SBK2: variants seen among roughly 807,000 people sequenced by gnomAD.
SBK2 encodes the protein serine/threonine-protein kinase SBK2.
Under a neutral mutation model 15.9 loss-of-function variants are expected in SBK2, and 18 were observed. The observed-to-expected ratio is 1.13, with a 90% confidence interval of 0.78 to 1.68. The LOEUF is 1.68. SBK2 is among the 40% of genes most tolerant of loss of function. SBK2 has a pLI of 0.00. For synonymous variants in SBK2, 284 were observed against 246.8 expected, an observed-to-expected ratio of 1.15 and a Z score of -1.41; for missense variants, 581 against 510.9, an observed-to-expected ratio of 1.14 and a Z score of -1.32.
rs1459382196 is a variant in SBK2, at chr19:55,529,858, G to C, written c.922C>G (p.Leu308Val). 3 of 1,600,944 alleles carry C rather than the reference G, an allele frequency of 1.9e-6. No homozygotes were observed. In the Admixed American group the frequency reaches 5.0e-5, roughly 27 times the overall value. Residue 308 changes from leucine to valine, a missense_variant, in exon 4 of 4, where the codon CTG becomes GTG. By Grantham distance (32) the Leu-to-Val change is conservative. Transcript: ENST00000413299. ...CTCCTCCTTCGGGGGTGAGGGTCCA[G>C]CAGCCCCCGCAGAAGCGCGTCGGCC... is the stretch of plus-strand genomic sequence containing the variant. ...AAADALLRGL[L>V]DPHPRRRSAV...
Position 55,530,402 on chromosome 19 carries a change from C to T in SBK2, c.457-79G>A, listed in dbSNP as rs138872807. On this transcript the variant is annotated intron_variant, in intron 3 of 3. Transcript: ENST00000413299. ...GACCCAGGAAGCAGGCCCAGGACGC[C>T]AAGGAGGCCGGTAAGGAAGACGGTG... The T allele has an allele frequency of 1.0e-3, 1,280 of 1,283,300 alleles. 15 individuals carry two copies. In the African/African-American group the frequency reaches 0.018, roughly 18 times the overall value. 79.5% of individuals were successfully genotyped at this position (1,283,300 alleles called of 1,614,324 possible). A position where few individuals can be genotyped will look rare whatever the true frequency, so the allele number is the denominator to read the frequency against.
chr19:55,531,681 A>G (rs1988272609), intron 2 of SBK2, among the ~76,000 whole-genome samples: 1 of 152,204 alleles, frequency 6.6e-6, no homozygotes, highest in African/African-American at 2.4e-5. Context: ...CTACCTCTAA[A>G]AAAAGTTTTA....
chr19:55,529,706 T>G lies in SBK2; in HGVS notation c.*27A>C, dbSNP rs7257263. 0.037 allele frequency: 58,423 copies of G among 1,591,666 alleles called. 1,697 individuals are homozygous for G. Among genetic ancestry groups the G allele is most frequent in the African/African-American group, 0.15 (10,924 of 74,394 alleles). On this transcript the variant is annotated 3_prime_UTR_variant, in exon 4 of 4. Transcript: ENST00000413299. ...CTTGGGGGCCTCGGGTGGGGCGGCT[T>G]CCCTTTCTGCATCCCCCGGGGCCTC...
intron 2 of SBK2, among the ~76,000 whole-genome samples, chr19:55,535,197 A>G (rs1460185115): frequency 7.3e-6 from 1 of 137,872 alleles, no homozygotes; most frequent in Non-Finnish European, 1.6e-5. Context: ...CAACCCCCCC[A>G]GCACAGGGCT....
intron 3 of SBK2, 117 bp downstream of exon 3, chr19:55,531,026 A>C: frequency 1.1e-6 from 1 of 887,312 alleles, no homozygotes; most frequent in Non-Finnish European, 1.8e-6. Context: ...TCCGGGGGGT[A>C]GGGGAGGCCC....
intron 2 of SBK2, among the ~76,000 whole-genome samples, chr19:55,531,937 C>T (rs1458309441): frequency 6.6e-6 from 1 of 150,556 alleles, no homozygotes; most frequent in Non-Finnish European, 1.5e-5. Flanking sequence ...CGAGATTGCG[C>T]CACTGCACTC....
chr19:55,530,960 A>G (rs1988241444), intron 3 of SBK2, among the ~76,000 whole-genome samples, 183 bp downstream of exon 3: 1 of 152,026 alleles, frequency 6.6e-6, no homozygotes, highest in Non-Finnish European at 1.5e-5. Flanking sequence ...TGTGATGTCT[A>G]TGAACTCCAA....
intron 3 of SBK2, 48 bp downstream of exon 3, chr19:55,531,095 G>A (rs957406118): frequency 5.8e-6 from 9 of 1,553,732 alleles, no homozygotes; most frequent in Non-Finnish European, 7.9e-6. Flanking sequence ...GGACGTTCCT[G>A]GGAGGCCGGT....
At chr19:55,532,710 C>G (rs1309488744) in intron 2 of SBK2, among the ~76,000 whole-genome samples, 1 of 151,836 alleles carries the variant, frequency 6.6e-6, no homozygotes, top group Non-Finnish European at 1.5e-5. Context: ...AAGCGATTCT[C>G]CTGCCCAAGC....
intron 2 of SBK2, among the ~76,000 whole-genome samples, 157 bp downstream of exon 2, chr19:55,535,881 ACAAC>A (rs1386236135): frequency 6.6e-6 from 1 of 152,154 alleles, no homozygotes; most frequent in African/African-American, 2.4e-5. Flanking sequence ...TGTCTCAAAA[ACAAC>A]CAACCAACCA....
In SBK2 at chr19:55,536,080, C is replaced by T. The variant is rs747987227; in HGVS notation, c.215G>A (p.Cys72Tyr). 9.9e-6 allele frequency: 15 copies of T among 1,509,488 alleles called. No individual in the cohort carries two copies. In the Admixed American group the frequency reaches 1.0e-4, roughly 10 times the overall value. The allele number at this position is 1,509,488 out of a possible 1,614,324, so 93.5% of individuals were successfully genotyped here. A position where few individuals can be genotyped will look rare whatever the true frequency, so the allele number is the denominator to read the frequency against. Reference protein sequence around the residue: ...YEEVRPLGQGCYGRVLLVTHR... With the variant: ...YEEVRPLGQGYYGRVLLVTHR... Reference sequence around the variant, plus strand: ...GGTGACCAGAAGGACGCGGCCATAGCAACCCTGGCCCAGGGGACGCACTTC... The same window carrying T: ...GGTGACCAGAAGGACGCGGCCATAGTAACCCTGGCCCAGGGGACGCACTTC... Residue 72 changes from cysteine to tyrosine, a missense_variant, in exon 2 of 4, where the codon TGC (cysteine) becomes TAC (tyrosine). Transcript: ENST00000413299.
Position 55,536,201 on chromosome 19 carries a change from G to A in SBK2, c.94C>T (p.Leu32Phe). Residue 32 changes from leucine to phenylalanine, a missense_variant, in exon 2 of 4, where the codon CTC becomes TTC. Physicochemically the swap from Leu to Phe is conservative, Grantham distance 22. Coordinates refer to ENST00000413299, the MANE Select transcript of SBK2 (RefSeq NM_001370096.2). ...EGLGGLTLEE[L>F]QQGQEAARAL... ...CGGGCAGCCTCCTGGCCCTGCTGGA[G>A]CTCCTCTAATGTCAGGCCGCCCAGA... The A allele has an allele frequency of 6.2e-7, 1 of 1,607,540 alleles. No individual in the cohort carries two copies. Among genetic ancestry groups the A allele is most frequent in the Non-Finnish European group, 8.5e-7 (1 of 1,177,444 alleles).
chr19:55,531,791 A>G (rs570168035), intron 2 of SBK2, among the ~76,000 whole-genome samples: 94 of 152,310 alleles, frequency 6.2e-4, no homozygotes, highest in Non-Finnish European at 1.1e-3. Context: ...CAGCCTGGTC[A>G]ATATGGTGAA....
Position 55,530,182 on chromosome 19 carries a change from T to C in SBK2, c.598A>G (p.Lys200Glu). The C allele has an allele frequency of 6.5e-7, 1 of 1,531,060 alleles. No homozygotes were observed. The allele number at this position is 1,531,060 out of a possible 1,614,324, so 94.8% of individuals were successfully genotyped here. Residue 200 changes from lysine to glutamate, a missense_variant, in exon 4 of 4, where the codon AAG becomes GAG. Lys to Glu is a moderately conservative substitution (Grantham distance 56, BLOSUM62 1). Transcript: ENST00000413299. The part of the protein sequence containing the change: ...LVCDPACRRF[K>E]LTDFGHTRPR... ...CTCGTGTGGCCGAAGTCGGTCAGCT[T>C]GAAGCGCCGGCAGGCCGGGTCGCAC...
chr19:55,534,249 C>T (rs1988341209), intron 2 of SBK2, among the ~76,000 whole-genome samples: 1 of 152,080 alleles, frequency 6.6e-6, no homozygotes, highest in Admixed American at 6.6e-5. Context: ...GACTGGTGTC[C>T]TTATAAGAAG....
Position 55,536,030 on chromosome 19 carries a change from A to G in SBK2, c.253+12T>C, listed in dbSNP as rs1988387298. On this transcript the variant is annotated intron_variant, in intron 2 of 3. Coordinates refer to ENST00000413299, the MANE Select transcript of SBK2 (RefSeq NM_001370096.2). ...GCTGAACCCTGCCACCTCTGGCCCC[A>G]CAGCCTCGTACCTTTCTGACGATGG... The G allele has an allele frequency of 1.4e-6, 2 of 1,433,448 alleles. No individual in the cohort carries two copies. Among genetic ancestry groups the G allele is most frequent in the South Asian group, 1.6e-5 (1 of 62,776 alleles). The allele number at this position is 1,433,448 out of a possible 1,614,324, so 88.8% of individuals were successfully genotyped here.
rs375838957 is a variant in SBK2 at position 55,536,247 on chromosome 19, C to T, written c.48G>A (p.Ser16=). The T allele has an allele frequency of 1.1e-4, 179 of 1,595,024 alleles. No homozygotes were observed. Among genetic ancestry groups the T allele is most frequent in the Non-Finnish European group, 1.5e-4 (171 of 1,173,794 alleles). ...SEEGPAEAGA[S]EDSEEEGLGG... is the part of the protein sequence containing the mutation. Reference sequence around the variant, plus strand: ...CCAGACCCTCCTCCTCGCTGTCCTCCGAAGCCCCTGCCTCCGCCGGCCCTT... The same window carrying T: ...CCAGACCCTCCTCCTCGCTGTCCTCTGAAGCCCCTGCCTCCGCCGGCCCTT... Residue 16 remains serine, a synonymous_variant, in exon 2 of 4, where the codon TCG becomes TCA. Coordinates refer to ENST00000413299, the MANE Select transcript of SBK2 (RefSeq NM_001370096.2).
At chr19:55,532,664 A>C (rs1461829408) in intron 2 of SBK2, among the ~76,000 whole-genome samples, 1 of 135,120 alleles carries the variant, frequency 7.4e-6, no homozygotes, top group African/African-American at 2.8e-5. Flanking sequence ...GCAGCAGCAC[A>C]ATCATGGCTC....
intron 2 of SBK2, among the ~76,000 whole-genome samples, chr19:55,534,181 T>C (rs567892024): frequency 3.8e-4 from 58 of 152,226 alleles, no homozygotes; most frequent in African/African-American, 1.4e-3. Context: ...TATTTGGAGA[T>C]GGGGTCTTTA....
Sources: allele counts gnomAD v4.1 joint callset (sites outside exome capture counted in the v4.1 genomes callset), GRCh38; gene constraint gnomAD v4.1.1; transcripts MANE v1.5; gene names NCBI Gene and HGNC (gene_info 2026-07-23, HGNC 2026-07-21).